RPGR: variants seen among roughly 807,000 people sequenced by gnomAD.
The protein encoded by RPGR is retinitis pigmentosa GTPase regulator.
A neutral mutation model predicts 56.3 loss-of-function variants in RPGR; 10 were observed. The observed-to-expected ratio is 0.18, with a 90% confidence interval of 0.11 to 0.30. The LOEUF (loss-of-function observed/expected upper bound fraction) is 0.30, where lower values mean the gene tolerates loss of function less well. Ranked by LOEUF, RPGR falls within the 10% of genes least tolerant of loss-of-function variation. The pLI, the probability that RPGR is intolerant of heterozygous loss-of-function variation, is 1.00. For missense variants in RPGR, 538 were observed against 590.9 expected (o/e 0.91, Z 0.93); for synonymous variants, 197 against 212.9 (o/e 0.93, Z 0.65).
Position 38,296,483 on chromosome X carries a change from A to C in RPGR, c.1414+801T>G, listed in dbSNP as rs150319603. Among the ~76,000 whole-genome samples, 680 of 111,677 alleles carry C rather than the reference A, an allele frequency of 6.1e-3. 5 individuals are homozygous for C. Among genetic ancestry groups the C allele is most frequent in the African/African-American group, 0.021 (642 of 30,742 alleles). On this transcript the variant is annotated intron_variant, in intron 11 of 18. Transcript: ENST00000642395. ...AAGATACACAAATATCTCTAAAGAA[A>C]ATTACTTAGAATAGGTATAGAATAG...
intron 3 of RPGR, among the ~76,000 whole-genome samples, chrX:38,321,350 A>G (rs925752905): frequency 3.6e-5 from 4 of 111,431 alleles, no homozygotes; most frequent in African/African-American, 1.3e-4. Flanking sequence ...GCGGCTAGGC[A>G]TTTATATATA....
At position 38,304,787 on chromosome X, in the gene RPGR, T is replaced by C. The variant is rs751266432; in HGVS notation, c.782A>G (p.Asn261Ser). 8.3e-7 allele frequency: 1 copy of C among 1,209,249 alleles called. No homozygotes were observed. Among genetic ancestry groups the C allele is most frequent in the South Asian group, 1.8e-5 (1 of 56,771 alleles). ...TCCCAGCCCAAAGGTATACACAGCA[T>C]TCTCTGAAAGGAAAGGGGCAAATAC... The change falls in exon 8 of 19, where the codon AAT becomes AGT. Residue 261 changes from asparagine (N) to serine (S), a missense_variant. By Grantham distance (46) the Asn-to-Ser change is conservative. Around this residue, in one of 2 missense-constraint regions of RPGR, gnomAD observed 181 missense variants for 265.1 expected, o/e 0.68. Coordinates refer to ENST00000642395, the MANE Select transcript of RPGR (RefSeq NM_000328.3).
intron 10 of RPGR, 91 bp downstream of exon 10, chrX:38,298,865 C>T: frequency 1.0e-6 from 1 of 961,023 alleles, no homozygotes; most frequent in Non-Finnish European, 1.5e-6. Flanking sequence ...CTGAGAAGAC[C>T]CTTTGATTTA....
chrX:38,272,809 G>A (rs139841607), intron 18 of RPGR, among the ~76,000 whole-genome samples: 1,828 of 111,550 alleles, frequency 0.016, 28 homozygotes, highest in Middle Eastern at 0.032. Context: ...GTAAAATAAA[G>A]ACATTTTCAA....
In RPGR at chrX:38,308,945, T is replaced by C. The variant is rs533870505; in HGVS notation, c.778+1670A>G. Among the ~76,000 whole-genome samples the C allele has an allele frequency of 8.0e-5, 9 of 112,100 alleles. No homozygotes were observed. The South Asian group carries it at 3.3e-3, about 41-fold the overall frequency. On this transcript the variant is annotated intron_variant, in intron 7 of 18. Transcript: ENST00000642395. ...TTACCTGGCAACATTAGGCATATCA[T>C]CTTAGAATTGGATATTATTCAAAAT...
chrX:38,279,418 G>A (rs1189573909), intron 15 of RPGR, among the ~76,000 whole-genome samples: 2 of 111,055 alleles, frequency 1.8e-5, no homozygotes, highest in Non-Finnish European at 3.8e-5. Flanking sequence ...ACTCTGGTCT[G>A]GCCCAAGGCA....
At chrX:38,317,572 G>A in intron 5 of RPGR, 107 bp from the exon 6 acceptor site, 5 of 695,065 alleles carry the variant, frequency 7.2e-6, no homozygotes, top group Non-Finnish European at 1.1e-5. Context: ...TAAAAATTAT[G>A]TATCTTAACA....
At chrX:38,278,618 A>G (rs994789438) in intron 15 of RPGR, among the ~76,000 whole-genome samples, 3 of 112,701 alleles carry the variant, frequency 2.7e-5, no homozygotes, top group African/African-American at 9.7e-5. Context: ...AAATTATCAG[A>G]AACAACTTCA....
chrX:38,287,348 G>GT lies in RPGR; in HGVS notation c.1754-104dup, dbSNP rs754257495. ...TGTTCAATCAATTTCCTGCCATACC[G>GT]TATGTTTTGGTCAGTTTCCACTTCA... is the stretch of plus-strand genomic sequence containing the variant. On this transcript the variant is annotated intron_variant, in intron 14 of 18. Transcript: ENST00000642395. 158 of 1,141,341 alleles carry GT rather than the reference G, an allele frequency of 1.4e-4. 1 individual carries two copies. Among genetic ancestry groups the GT allele is most frequent in the Non-Finnish European group, 1.7e-4 (140 of 844,237 alleles). The allele number at this position is 1,141,341 out of a possible 1,213,427, so 94.1% of individuals were successfully genotyped here. A position where few individuals can be genotyped will look rare whatever the true frequency, so the allele number is the denominator to read the frequency against.
chrX:38,289,948 C>T (rs971749046), intron 13 of RPGR, among the ~76,000 whole-genome samples: 1 of 111,593 alleles, frequency 9.0e-6, no homozygotes, highest in Non-Finnish European at 1.9e-5. Flanking sequence ...AGGAAAGACA[C>T]AAGAAAGGTG....
Position 38,310,703 on chromosome X carries a change from G to T in RPGR, c.690C>A (p.Gly230=), listed in dbSNP as rs370173004. 18 of 1,208,046 alleles carry T rather than the reference G, an allele frequency of 1.5e-5. No homozygotes were observed. The highest frequency in any genetic ancestry group is 4.4e-5 in the Admixed American group (2 of 45,643). Residue 230 remains glycine, a synonymous_variant, in exon 7 of 19, where the codon GGC becomes GGA. Transcript: ENST00000642395. Reference sequence around the variant, plus strand: ...ACACCAGCTGGGGTGTTCTGTGATTGCCCAGGAGCTGATTGGGAAGACCTA... The same window carrying T: ...ACACCAGCTGGGGTGTTCTGTGATTTCCCAGGAGCTGATTGGGAAGACCTA...
At chrX:38,321,995 G>C (rs2067950542) in intron 3 of RPGR, among the ~76,000 whole-genome samples, 1 of 111,995 alleles carries the variant, frequency 8.9e-6, no homozygotes, top group Non-Finnish European at 1.9e-5. Context: ...TTGTCTATTA[G>C]ATAAGATATT....
At chrX:38,285,399 C>G in intron 15 of RPGR, 1 of 1,103,128 alleles carries the variant, frequency 9.1e-7, no homozygotes, top group Non-Finnish European at 1.2e-6. Context: ...CTCCTTAACA[C>G]AGCTGCATCA....
At chrX:38,323,824 C>G (rs2067993632) in intron 1 of RPGR, among the ~76,000 whole-genome samples, 1 of 112,286 alleles carries the variant, frequency 8.9e-6, no homozygotes, top group Non-Finnish European at 1.9e-5. Flanking sequence ...TCTGCTGTCA[C>G]CAAGTAGATG....
At chrX:38,322,465 T>C (rs1270932760) in intron 3 of RPGR, among the ~76,000 whole-genome samples, 1 of 112,019 alleles carries the variant, frequency 8.9e-6, no homozygotes, top group Non-Finnish European at 1.9e-5. Context: ...AGCAACCAAA[T>C]AGAAGCATAA....
At position 38,297,290 on chromosome X, in the gene RPGR, C is replaced by T; in HGVS notation, c.1408G>A (p.Glu470Lys). 1 of 1,209,837 alleles carries T rather than the reference C, an allele frequency of 8.3e-7. No homozygotes were observed. The highest frequency in any genetic ancestry group is 1.1e-6 in the Non-Finnish European group (1 of 894,535). ...ACAGAGTAGCAAATGTTACCTGGTT[C>T]CTCTGGCTGCATGAGGTCCTGTTCA... The change falls in exon 11 of 19, where the codon GAA becomes AAA. Residue 470 changes from glutamate to lysine, a missense_variant. By Grantham distance (56) the Glu-to-Lys change is moderately conservative. Transcript: ENST00000642395.
chrX:38,307,818 T>C (rs751220635), intron 7 of RPGR, among the ~76,000 whole-genome samples: 20 of 112,071 alleles, frequency 1.8e-4, no homozygotes, highest in Non-Finnish European at 3.0e-4. Flanking sequence ...TTTTCATACA[T>C]ATACATTTAT....
chrX:38,327,311 C>G (rs780403625), intron 1 of RPGR, 29 bp downstream of exon 1: 20 of 1,175,362 alleles, frequency 1.7e-5, no homozygotes, highest in Non-Finnish European at 2.3e-5. Flanking sequence ...CCCTCCCGGC[C>G]TTCCGCCACC....
chrX:38,301,432 A>G (rs1488536979), intron 8 of RPGR, 61 bp from the exon 9 acceptor site: 2 of 1,008,070 alleles, frequency 2.0e-6, no homozygotes, highest in Non-Finnish European at 2.8e-6. Context: ...TCTATTTGTA[A>G]ACAGATAAAC....
Sources: gnomAD v4.1 joint callset for allele counts (sites outside exome capture counted in the v4.1 genomes callset) on GRCh38, gnomAD v4.1.1 for gene constraint, gnomAD v4.1.1 regional missense constraint, MANE v1.5 for transcripts, NCBI Gene and HGNC (gene_info 2026-07-23, HGNC 2026-07-21) for gene names.